The following GPHN variants were observed in gnomAD, a reference collection of about 807,000 sequenced individuals.
GPHN encodes the protein gephyrin.
A neutral mutation model predicts 95.5 loss-of-function variants in GPHN; 17 were observed. The ratio of observed to expected loss-of-function variants is 0.18; its 90% confidence interval spans 0.12 to 0.27. GPHN has a LOEUF of 0.27. Ranked by LOEUF, GPHN falls within the 10% of genes least tolerant of loss-of-function variation. GPHN has a pLI of 1.00. For synonymous variants in GPHN, 320 were observed against 322.5 expected, an observed-to-expected ratio of 0.99 and a Z score of 0.08; for missense variants, 660 against 978.1, an observed-to-expected ratio of 0.67 and a Z score of 4.34.
chr14:66,933,581 T>C (rs2066940042), intron 8 of GPHN, among the ~76,000 whole-genome samples: 1 of 152,200 alleles, frequency 6.6e-6, no homozygotes, highest in African/African-American at 2.4e-5. Flanking sequence ...AACCTGGATA[T>C]AAGCCCTTAC....
intron 16 of GPHN, among the ~76,000 whole-genome samples, chr14:67,121,334 C>G (rs72715383): frequency 0.051 from 7,813 of 151,964 alleles, 222 homozygotes; most frequent in Middle Eastern, 0.068. Flanking sequence ...CTAGGGGTAA[C>G]AATATGAGAA....
chr14:67,437,933 T>C, the GPHN span, among the ~76,000 whole-genome samples: 4,495 of 152,200 alleles, frequency 0.03, 88 homozygotes, highest in Non-Finnish European at 0.042. Flanking sequence ...CCTATCAGCC[T>C]ATTAGACCTC....
chr14:66,787,176 GA>G (rs986050916), intron 3 of GPHN, among the ~76,000 whole-genome samples: 1 of 151,842 alleles, frequency 6.6e-6, no homozygotes, highest in Admixed American at 6.6e-5. Context: ...AACACAAAAA[GA>G]AAAAAATCAA....
At chr14:66,839,097 A>G (rs1212591813) in intron 4 of GPHN, among the ~76,000 whole-genome samples, 1 of 152,240 alleles carries the variant, frequency 6.6e-6, no homozygotes, top group Non-Finnish European at 1.5e-5. Context: ...ATATTTATTA[A>G]TGGCACATAG....
rs892660112 is a variant in GPHN, at chr14:66,706,428, A to G, written c.143+25243A>G. Among the ~76,000 whole-genome samples, 13 of 152,102 alleles carry G rather than the reference A, an allele frequency of 8.5e-5. No individual in the cohort carries two copies. The South Asian group carries it at 1.0e-3, about 12-fold the overall frequency. On this transcript the variant is annotated intron_variant, in intron 2 of 22. Transcript: ENST00000478722. ...CTTCAAACTATACTACAAGGCTACA[A>G]TAATCAAAACAGCATGGTAGTGGTA...
chr14:66,728,973 T>G (rs2071509563), intron 2 of GPHN, among the ~76,000 whole-genome samples: 1 of 152,130 alleles, frequency 6.6e-6, no homozygotes, highest in Non-Finnish European at 1.5e-5. Context: ...AGGAACCTGG[T>G]GGGAGGTAAT....
chr14:67,483,503 G>A, the GPHN span, among the ~76,000 whole-genome samples: 1 of 152,218 alleles, frequency 6.6e-6, no homozygotes, highest in Non-Finnish European at 1.5e-5. Context: ...ACAACAGGAA[G>A]CAAGGAGAAG....
chr14:67,371,481 A>T, the GPHN span, among the ~76,000 whole-genome samples: 1 of 152,198 alleles, frequency 6.6e-6, no homozygotes, highest in Non-Finnish European at 1.5e-5. Flanking sequence ...GTGGTGCTTA[A>T]TGACAAAGAT....
the GPHN span, among the ~76,000 whole-genome samples, chr14:67,507,607 T>TC: frequency 6.6e-6 from 1 of 152,086 alleles, no homozygotes; most frequent in Non-Finnish European, 1.5e-5. Context: ...CGCCACCATG[T>TC]CCAACTAATT....
At chr14:67,024,009 A>T (rs1296009054) in intron 10 of GPHN, among the ~76,000 whole-genome samples, 1 of 152,168 alleles carries the variant, frequency 6.6e-6, no homozygotes, top group African/African-American at 2.4e-5. Context: ...AATAATATTG[A>T]AAATTCCTGA....
the GPHN span, among the ~76,000 whole-genome samples, chr14:67,280,949 T>G: frequency 6.0e-5 from 9 of 149,816 alleles, no homozygotes; most frequent in African/African-American, 1.7e-4. Flanking sequence ...CAGGCTGGAG[T>G]GCAGTGGTGC....
chr14:67,022,568 G>GTTGTGTGT (rs1555466198), intron 9 of GPHN, among the ~76,000 whole-genome samples: 56 of 20,880 alleles, frequency 2.7e-3, no homozygotes, highest in Non-Finnish European at 3.3e-3. Flanking sequence ...TTTTTTTTTT[G>GTTGTGTGT]GTGTGTGTGT....
chr14:66,554,104 GTTTATA>G (rs1487487687), intron 1 of GPHN, among the ~76,000 whole-genome samples: 1 of 151,728 alleles, frequency 6.6e-6, no homozygotes, highest in Non-Finnish European at 1.5e-5. Flanking sequence ...TTATCTGAAA[GTTTATA>G]TTTTGGAATT....
the GPHN span, chr14:67,577,297 G>C: frequency 6.4e-7 from 1 of 1,555,462 alleles, no homozygotes; most frequent in Non-Finnish European, 8.7e-7. Context: ...CCGTGCTTTG[G>C]GCAGATTCGC....
the GPHN span, chr14:67,301,453 C>T: frequency 6.2e-7 from 1 of 1,608,460 alleles, no homozygotes; most frequent in South Asian, 1.1e-5. Context: ...TTGCTGAATA[C>T]TCCACATATT....
intron 17 of GPHN, among the ~76,000 whole-genome samples, chr14:67,142,635 A>T (rs1316696133): frequency 6.6e-6 from 1 of 152,038 alleles, no homozygotes; most frequent in African/African-American, 2.4e-5. Flanking sequence ...TCCCAACATT[A>T]TGAATACCTA....
chr14:67,602,268 C>T, the GPHN span, among the ~76,000 whole-genome samples: 6 of 152,220 alleles, frequency 3.9e-5, no homozygotes, highest in South Asian at 4.1e-4. Context: ...ATTTTTAAAC[C>T]GTCAGATCTC....
chr14:66,794,965 A>T (rs1001811821), intron 3 of GPHN, among the ~76,000 whole-genome samples: 6 of 152,156 alleles, frequency 3.9e-5, no homozygotes, highest in African/African-American at 1.4e-4. Flanking sequence ...GTTTTTTGCC[A>T]GGTACAGTAG....
chr14:67,545,945 TAAA>T, the GPHN span, among the ~76,000 whole-genome samples: 1 of 140,912 alleles, frequency 7.1e-6, no homozygotes. Context: ...GCTCTGCTGC[TAAA>T]AAAAAAAAAA....
Sources: gnomAD v4.1 joint callset for allele counts (sites outside exome capture counted in the v4.1 genomes callset) on GRCh38, gnomAD v4.1.1 for gene constraint, MANE v1.5 for transcripts, NCBI Gene and HGNC (gene_info 2026-07-23, HGNC 2026-07-21) for gene names.